TNS3: variants seen among roughly 807,000 people sequenced by gnomAD.
The protein encoded by TNS3 is tensin-3.
TNS3 carries 45 observed loss-of-function variants against 140.9 expected under a neutral mutation model. The observed-to-expected ratio is 0.32, with a 90% confidence interval of 0.25 to 0.41. The LOEUF is 0.41. Ranked by LOEUF, TNS3 falls within the 10% of genes least tolerant of loss-of-function variation. The pLI is 1.00. For synonymous variants in TNS3, 815 were observed against 788.4 expected (o/e 1.03, Z -0.56); for missense variants, 1,716 against 1,906.7 (o/e 0.90, Z 1.86).
At chr7:47,391,411 T>G (rs1375200509) in intron 16 of TNS3, among the ~76,000 whole-genome samples, 1 of 152,136 alleles carries the variant, frequency 6.6e-6, no homozygotes, top group African/African-American at 2.4e-5. Context: ...TGCGTGAATA[T>G]GACAAATGGT....
intron 2 of TNS3, among the ~76,000 whole-genome samples, chr7:47,524,952 T>C (rs907700320): frequency 6.6e-6 from 1 of 150,958 alleles, no homozygotes; most frequent in Non-Finnish European, 1.5e-5. Context: ...CCTAACATCA[T>C]AGCTGTCCAT....
At chr7:47,582,345 T>G (rs926493780), upstream of TNS3, 4 of 442,626 alleles carry the variant, frequency 9.0e-6, no homozygotes, top group Non-Finnish European at 1.4e-5. Context: ...AGAGAGGACC[T>G]GGAATTATCA....
chr7:47,317,951 T>C (rs964936538), intron 20 of TNS3, among the ~76,000 whole-genome samples: 1 of 152,216 alleles, frequency 6.6e-6, no homozygotes, highest in African/African-American at 2.4e-5. Context: ...TGATAAGACA[T>C]ACATAACAAA....
chr7:47,530,838 A>AAAAAAAAAAAAAAAAAATATATATATAT, intron 1 of TNS3, among the ~76,000 whole-genome samples: 15 of 54,554 alleles, frequency 2.7e-4, no homozygotes, highest in Non-Finnish European at 4.9e-4. Flanking sequence ...AAAAAAAAAA[A>AAAAAAAAAAAAAAAAAATATATATATAT]ATATATATAT....
intron 2 of TNS3, among the ~76,000 whole-genome samples, chr7:47,524,154 C>A (rs1043952462): frequency 6.6e-6 from 1 of 152,194 alleles, no homozygotes; most frequent in Admixed American, 6.5e-5. Flanking sequence ...CACGAAGCAG[C>A]CGTCCCCTGG....
At chr7:47,480,014 C>G (rs1316032692) in intron 4 of TNS3, among the ~76,000 whole-genome samples, 1 of 152,228 alleles carries the variant, frequency 6.6e-6, no homozygotes, top group Non-Finnish European at 1.5e-5. Context: ...GGCCCAGCCA[C>G]TGGAGCCAGG....
intron 20 of TNS3, among the ~76,000 whole-genome samples, chr7:47,335,964 G>A (rs1003744846): frequency 3.9e-5 from 6 of 152,128 alleles, no homozygotes; most frequent in Non-Finnish European, 7.3e-5. Context: ...CCACTCTGCC[G>A]TGTCCTTTTA....
chr7:47,532,261 G>C (rs1276195825), intron 1 of TNS3, among the ~76,000 whole-genome samples: 5 of 152,152 alleles, frequency 3.3e-5, no homozygotes, highest in Non-Finnish European at 7.4e-5. Flanking sequence ...GGCCAGGGAG[G>C]GCCTGTAGGC....
chr7:47,491,953 A>G lies in TNS3; in HGVS notation c.-114-10812T>C, dbSNP rs538448631. ...GGGTCCAGATGCCATGCCTGACACC[A>G]TGAACATTCTAAAACACTCAACTGG... On this transcript the variant is annotated intron_variant, in intron 3 of 30. Transcript: ENST00000311160. 5.3e-5 allele frequency among the ~76,000 whole-genome samples: 8 copies of G among 152,346 alleles called. No homozygotes were observed. In the East Asian group the frequency reaches 1.5e-3, roughly 29 times the overall value.
intron 16 of TNS3, among the ~76,000 whole-genome samples, chr7:47,392,190 C>T (rs147860613): frequency 3.0e-5 from 4 of 134,742 alleles, no homozygotes; most frequent in African/African-American, 7.4e-5. Flanking sequence ...TGCCGTCCCC[C>T]GCAGCCACCA....
chr7:47,524,555 C>A (rs1389436186), intron 2 of TNS3, among the ~76,000 whole-genome samples: 1 of 151,872 alleles, frequency 6.6e-6, no homozygotes, highest in Non-Finnish European at 1.5e-5. Flanking sequence ...GTAATCCCAG[C>A]ACTTTGGGAG....
intron 2 of TNS3, among the ~76,000 whole-genome samples, chr7:47,519,801 G>C (rs559877646): frequency 9.5e-5 from 14 of 147,936 alleles, no homozygotes; most frequent in East Asian, 2.1e-4. Flanking sequence ...CTCTGGAACA[G>C]AGCTCCTCAC....
chr7:47,475,370 C>T (rs1343442829), intron 4 of TNS3, among the ~76,000 whole-genome samples: 2 of 152,276 alleles, frequency 1.3e-5, no homozygotes, highest in African/African-American at 4.8e-5. Context: ...CAAGCAAGAA[C>T]AATCACAGCG....
chr7:47,377,479 G>C (rs959038438), intron 16 of TNS3, among the ~76,000 whole-genome samples: 2 of 152,158 alleles, frequency 1.3e-5, no homozygotes, highest in Non-Finnish European at 2.9e-5. Context: ...GGGATGGTTT[G>C]GGCAATAGAA....
intron 20 of TNS3, among the ~76,000 whole-genome samples, chr7:47,317,227 T>G (rs1787464239): frequency 6.6e-6 from 1 of 152,240 alleles, no homozygotes; most frequent in South Asian, 2.1e-4. Flanking sequence ...CAGCCAGGGC[T>G]GAAATGGGAA....
intron 8 of TNS3, among the ~76,000 whole-genome samples, chr7:47,433,620 A>C (rs1329048318): frequency 6.6e-6 from 1 of 152,254 alleles, no homozygotes; most frequent in Non-Finnish European, 1.5e-5. Flanking sequence ...GCACTTTTCA[A>C]GTCCAGCAAC....
chr7:47,524,695 G>A (rs113362917), intron 2 of TNS3, among the ~76,000 whole-genome samples: 24,874 of 148,840 alleles, frequency 0.17, 2,760 homozygotes, highest in Non-Finnish European at 0.23. Flanking sequence ...CCAGCTACTC[G>A]GGAGGCTGAG....
At chr7:47,487,124 C>T (rs1338910705) in intron 3 of TNS3, among the ~76,000 whole-genome samples, 2 of 152,134 alleles carry the variant, frequency 1.3e-5, no homozygotes, top group Non-Finnish European at 2.9e-5. Context: ...CATGGCAAAA[C>T]CCCGTCTCTA....
Position 47,368,777 on chromosome 7 carries a change from G to A in TNS3, c.1869C>T (p.Val623=). Residue 623 remains valine, a synonymous_variant, in exon 17 of 31, where the codon GTC becomes GTT. Coordinates refer to ENST00000311160, the MANE Select transcript of TNS3 (RefSeq NM_022748.12). ...SRCPADNPGL[V]QAQPRVPLTP... Reference sequence around the variant, plus strand: ...TGAGTGGCACTCTGGGCTGGGCCTGGACGAGGCCAGGATTGTCTGCAGGGC... The same window carrying A: ...TGAGTGGCACTCTGGGCTGGGCCTGAACGAGGCCAGGATTGTCTGCAGGGC... 1 of 1,598,702 alleles carries A rather than the reference G, an allele frequency of 6.3e-7. No homozygotes were observed. Among genetic ancestry groups the A allele is most frequent in the South Asian group, 1.1e-5 (1 of 88,358 alleles).
Sources: allele counts gnomAD v4.1 joint callset (sites outside exome capture counted in the v4.1 genomes callset), GRCh38; gene constraint gnomAD v4.1.1; transcripts MANE v1.5; gene names NCBI Gene and HGNC (gene_info 2026-07-23, HGNC 2026-07-21).